Variants in PTDSS1 observed in about 807,000 individuals in gnomAD.
PTDSS1 encodes the protein phosphatidylserine synthase 1.
In PTDSS1, 45 loss-of-function variants were observed where a neutral mutation model predicts 70.5. That is an observed-to-expected ratio of 0.64 (90% CI 0.50 to 0.82). The LOEUF (loss-of-function observed/expected upper bound fraction) is 0.82. Ranked by LOEUF, PTDSS1 falls within the 40% of genes least tolerant of loss-of-function variation. PTDSS1 has a pLI of 0.00. For synonymous variants in PTDSS1, 188 were observed against 203.8 expected, an observed-to-expected ratio of 0.92 and a Z score of 0.66; for missense variants, 417 against 586.1, an observed-to-expected ratio of 0.71 and a Z score of 2.98.
chr8:96,264,318 T>C (rs770330694), intron 1 of PTDSS1, among the ~76,000 whole-genome samples: 2 of 152,256 alleles, frequency 1.3e-5, no homozygotes, highest in Admixed American at 1.3e-4. Flanking sequence ...ATAATCTGTT[T>C]AGCTCAGTGC....
At chr8:96,332,780 G>A (rs887853522) in intron 12 of PTDSS1, among the ~76,000 whole-genome samples, 19 of 152,226 alleles carry the variant, frequency 1.2e-4, no homozygotes, top group Non-Finnish European at 2.4e-4. Context: ...CTGTAACTCT[G>A]GTAACTTTTT....
At chr8:96,267,149 T>C (rs377679520) in intron 1 of PTDSS1, among the ~76,000 whole-genome samples, 12 of 152,220 alleles carry the variant, frequency 7.9e-5, no homozygotes, top group African/African-American at 2.9e-4. Context: ...TAATTCCTAT[T>C]GCCCCAGATT....
At position 96,306,642 on chromosome 8, in the gene PTDSS1, T is replaced by C. The variant is rs1158247687; in HGVS notation, c.1007+86T>C. The C allele has an allele frequency of 2.9e-6, 3 of 1,025,774 alleles. No homozygotes were observed. In the African/African-American group the frequency reaches 4.8e-5, roughly 17 times the overall value. The allele number at this position is 1,025,774 out of a possible 1,614,324, so 63.5% of individuals were successfully genotyped here. A position where few individuals can be genotyped will look rare whatever the true frequency, so the allele number is the denominator to read the frequency against. On this transcript the variant is annotated intron_variant, in intron 8 of 12. Coordinates refer to ENST00000517309, the MANE Select transcript of PTDSS1 (RefSeq NM_014754.3). ...TTAGCATAAGGAAAGTCATATAAACTAGCAGATTTTCCATGAAAATACCAT... is the reference window on the plus strand; with the variant it reads ...TTAGCATAAGGAAAGTCATATAAACCAGCAGATTTTCCATGAAAATACCAT...
chr8:96,335,520 C>G lies in PTDSS1; in HGVS notation c.*1954C>G, dbSNP rs1811583113. 2 of 152,252 alleles carry G rather than the reference C, an allele frequency of 1.3e-5. No homozygotes were observed. Among genetic ancestry groups the G allele is most frequent in the African/African-American group, 4.8e-5 (2 of 41,436 alleles). The allele number at this position is 152,252 out of a possible 1,614,324, so 9.4% of individuals were successfully genotyped here. On this transcript the variant is annotated 3_prime_UTR_variant, in exon 13 of 13. Coordinates refer to ENST00000517309, the MANE Select transcript of PTDSS1 (RefSeq NM_014754.3). The stretch of plus-strand genomic sequence containing the variant: ...GCATGTGTGCTTCCTCTGAGGCCAG[C>G]CTACAGGAGGCAGCTGTTTCGCAGG...
At position 96,276,978 on chromosome 8, in the gene PTDSS1, G is replaced by GCACACACA. The variant is rs1157385221; in HGVS notation, c.271+3589_271+3590insACACACAC. On this transcript the variant is annotated intron_variant, in intron 2 of 12. Coordinates refer to ENST00000517309, the MANE Select transcript of PTDSS1 (RefSeq NM_014754.3). ...CGGGCACATACACGCGCGCACGCGC[G>GCACACACA]CGCACACACACACACACACACACAC... Among the ~76,000 whole-genome samples the GCACACACA allele has an allele frequency of 4.8e-3, 618 of 129,730 alleles. 5 individuals carry two copies. Among genetic ancestry groups the GCACACACA allele is most frequent in the African/African-American group, 0.015 (551 of 37,404 alleles). The allele number at this position is 129,730 out of a possible 152,430, so 85.1% of individuals were successfully genotyped here.
Position 96,273,341 on chromosome 8 carries a change from C to G in PTDSS1, c.222C>G (p.Leu74=), listed in dbSNP as rs1215292282. The part of the protein sequence containing the change: ...VPEDNIWRGI[L]SVIFFFLIIS... The stretch of plus-strand genomic sequence containing the variant: ...AAGACAACATCTGGAGAGGCATCCT[C>G]TCTGTTATTTTCTTCTTTCTTATCA... Residue 74 remains leucine, a synonymous_variant, in exon 2 of 13, where the codon CTC becomes CTG. Coordinates refer to ENST00000517309, the MANE Select transcript of PTDSS1 (RefSeq NM_014754.3). 8 of 1,612,478 alleles carry G rather than the reference C, an allele frequency of 5.0e-6. No homozygotes were observed. The highest frequency in any genetic ancestry group is 1.3e-5 in the African/African-American group (1 of 74,870).
At chr8:96,332,201 C>T (rs550440260) in intron 12 of PTDSS1, among the ~76,000 whole-genome samples, 1 of 152,192 alleles carries the variant, frequency 6.6e-6, no homozygotes, top group Admixed American at 6.5e-5. Flanking sequence ...TTGGGGCCAC[C>T]TGGTTATTTC....
rs1023399692 is a variant in PTDSS1 at position 96,334,556 on chromosome 8, C to T, written c.*990C>T. 6.6e-6 allele frequency: 1 copy of T among 152,634 alleles called. No homozygotes were observed. Among genetic ancestry groups the T allele is most frequent in the Non-Finnish European group, 1.5e-5 (1 of 68,042 alleles). The allele number at this position is 152,634 out of a possible 1,614,324, so 9.5% of individuals were successfully genotyped here. On this transcript the variant is annotated 3_prime_UTR_variant, in exon 13 of 13. Coordinates refer to ENST00000517309, the MANE Select transcript of PTDSS1 (RefSeq NM_014754.3). ...ATTCACTTTAAAGCCTATCAAAGGT[C>T]TGTCTGTAAAATGCTCATTTTCTTG...
intron 2 of PTDSS1, among the ~76,000 whole-genome samples, chr8:96,280,454 A>AAAGCCTGCAGTGAGCTGAGATTG (rs905927653): frequency 1.3e-5 from 2 of 152,242 alleles, no homozygotes; most frequent in East Asian, 1.9e-4. Flanking sequence ...TCTGGGATAC[A>AAAGCCTGCAGTGAGCTGAGATTG]AAGCCTGCAG....
chr8:96,333,610 A>G lies in PTDSS1; in HGVS notation c.*44A>G. 6.4e-7 allele frequency: 1 copy of G among 1,552,868 alleles called. No homozygotes were observed. Among genetic ancestry groups the G allele is most frequent in the Non-Finnish European group, 8.9e-7 (1 of 1,124,478 alleles). On this transcript the variant is annotated 3_prime_UTR_variant, in exon 13 of 13. Coordinates refer to ENST00000517309, the MANE Select transcript of PTDSS1 (RefSeq NM_014754.3). The stretch of plus-strand genomic sequence containing the variant: ...AGATGTTCCAGAGTGCCTAGAACTG[A>G]GAGGGAAATGGAACTCATTTGGAAC...
intron 2 of PTDSS1, among the ~76,000 whole-genome samples, chr8:96,275,707 G>A (rs1021650256): frequency 3.3e-5 from 5 of 152,186 alleles, no homozygotes; most frequent in Non-Finnish European, 7.3e-5. Flanking sequence ...ACATACCAAC[G>A]CAAGGCTGAC....
At chr8:96,277,528 T>A (rs1028512142) in intron 2 of PTDSS1, among the ~76,000 whole-genome samples, 5 of 152,196 alleles carry the variant, frequency 3.3e-5, no homozygotes, top group African/African-American at 7.2e-5. Context: ...AGTCAAGTAG[T>A]GAAAATGAAT....
intron 10 of PTDSS1, among the ~76,000 whole-genome samples, chr8:96,326,602 G>A (rs1811441523): frequency 6.6e-6 from 1 of 152,190 alleles, no homozygotes; most frequent in African/African-American, 2.4e-5. Flanking sequence ...TCAGGAAGGT[G>A]GTGACCTGTT....
chr8:96,262,832 C>T lies in PTDSS1; in HGVS notation c.179+613C>T, dbSNP rs973752995. On this transcript the variant is annotated intron_variant, in intron 1 of 12. Coordinates refer to ENST00000517309, the MANE Select transcript of PTDSS1 (RefSeq NM_014754.3). The surrounding 1 kb of genome is among the most constrained non-coding windows in gnomAD (Gnocchi z 4.4). ...ACAAGTCATCCAGCATAACACTTCC[C>T]CCAGCCTCAAACACTACCATCTGTA... Among the ~76,000 whole-genome samples the T allele has an allele frequency of 2.0e-5, 3 of 152,200 alleles. No homozygotes were observed. The highest frequency in any genetic ancestry group is 1.3e-4 in the Admixed American group (2 of 15,284).
chr8:96,290,708 G>A (rs1810890756), intron 4 of PTDSS1, among the ~76,000 whole-genome samples: 1 of 151,742 alleles, frequency 6.6e-6, no homozygotes, highest in Non-Finnish European at 1.5e-5. Context: ...TATAATTCCT[G>A]GCTTCCCAGA....
chr8:96,332,433 C>A (rs1168943952), intron 12 of PTDSS1, among the ~76,000 whole-genome samples: 1 of 152,208 alleles, frequency 6.6e-6, no homozygotes, highest in Non-Finnish European at 1.5e-5. Flanking sequence ...GCATCAGGCT[C>A]ATTAAAGATC....
In PTDSS1 at chr8:96,308,810, A is replaced by G. The variant is rs555372813; in HGVS notation, c.1008-747A>G. On this transcript the variant is annotated intron_variant, in intron 8 of 12. Transcript: ENST00000517309. ...TTTTAACATGTCTACTGGAGAATTT[A>G]AAATTGCATTTATGGCTTGCATTAT... 2.0e-5 allele frequency among the ~76,000 whole-genome samples: 3 copies of G among 149,046 alleles called. No homozygotes were observed. The East Asian group carries it at 5.8e-4, about 29-fold the overall frequency.
intron 8 of PTDSS1, among the ~76,000 whole-genome samples, chr8:96,308,770 T>A (rs1811163737): frequency 6.6e-6 from 1 of 152,226 alleles, no homozygotes; most frequent in African/African-American, 2.4e-5. Flanking sequence ...GGATTTTGTA[T>A]GTTCCTTTTT....
intron 3 of PTDSS1, among the ~76,000 whole-genome samples, chr8:96,286,351 CAT>C (rs1563567776): frequency 6.6e-6 from 1 of 152,138 alleles, no homozygotes; most frequent in Non-Finnish European, 1.5e-5. Context: ...TAAAATGACA[CAT>C]AGTGATTATT....
Sources: allele counts gnomAD v4.1 joint callset (sites outside exome capture counted in the v4.1 genomes callset), GRCh38; gene constraint gnomAD v4.1.1; non-coding constraint Gnocchi (gnomAD v3.1); transcripts MANE v1.5; gene names NCBI Gene and HGNC (gene_info 2026-07-23, HGNC 2026-07-21).